The following IL19 variants were observed in gnomAD, a reference collection of about 807,000 sequenced individuals.
IL19 encodes interleukin 19, also known as interleukin-19.
Under a neutral mutation model 19.5 loss-of-function variants are expected in IL19, and 15 were observed. That is an observed-to-expected ratio of 0.77 (90% CI 0.52 to 1.19). The LOEUF (loss-of-function observed/expected upper bound fraction) is 1.19, where lower values mean the gene tolerates loss of function less well. IL19 is among the 50% of genes most tolerant of loss of function. IL19 has a pLI of 0.00. For synonymous variants in IL19, 78 were observed against 78.3 expected (o/e 1.00, Z 0.02); for missense variants, 199 against 213.1 (o/e 0.93, Z 0.41).
chr1:206,790,265 T>C (rs905461432), intron 1 of IL19, among the ~76,000 whole-genome samples: 13 of 152,122 alleles, frequency 8.5e-5, no homozygotes, highest in Non-Finnish European at 1.6e-4. Flanking sequence ...TTGTGGTTCT[T>C]CCAATAATTT....
At chr1:206,836,195 G>A (rs779724647) in intron 2 of IL19, among the ~76,000 whole-genome samples, 1 of 152,202 alleles carries the variant, frequency 6.6e-6, no homozygotes, top group Admixed American at 6.5e-5. Context: ...TATAATAAAA[G>A]GGTGTTACTT....
intron 2 of IL19, among the ~76,000 whole-genome samples, chr1:206,812,142 G>C (rs752243844): frequency 6.6e-6 from 1 of 152,196 alleles, no homozygotes; most frequent in Non-Finnish European, 1.5e-5. Flanking sequence ...CTACATTACA[G>C]GATGTAGATT....
At chr1:206,829,663 G>C (rs564875457) in intron 2 of IL19, among the ~76,000 whole-genome samples, 1 of 152,146 alleles carries the variant, frequency 6.6e-6, no homozygotes, top group African/African-American at 2.4e-5. Flanking sequence ...CCAAGACTGG[G>C]TTTGCATTTT....
At position 206,816,063 on chromosome 1, in the gene IL19, T is replaced by C. The variant is rs1676147711; in HGVS notation, c.-3+17057T>C. 2.0e-5 allele frequency among the ~76,000 whole-genome samples: 3 copies of C among 151,682 alleles called. No homozygotes were observed. The South Asian group carries it at 6.2e-4, about 31-fold the overall frequency. On this transcript the variant is annotated intron_variant, in intron 2 of 6. Coordinates refer to ENST00000659997, the MANE Select transcript of IL19 (RefSeq NM_153758.5). ...CAAAACAAAACAAAACAAAAAAACC[T>C]GCCAGCCTAAAATTCTGTATCCAGT... is the stretch of plus-strand genomic sequence containing the variant.
At chr1:206,816,268 A>T (rs771717045) in intron 2 of IL19, among the ~76,000 whole-genome samples, 3 of 152,224 alleles carry the variant, frequency 2.0e-5, no homozygotes, top group Admixed American at 6.5e-5. Context: ...ACATGCGTAA[A>T]TGTATAAGAT....
chr1:206,801,937 T>C (rs578187369), intron 2 of IL19, among the ~76,000 whole-genome samples: 4 of 152,162 alleles, frequency 2.6e-5, no homozygotes, highest in East Asian at 1.9e-4. Context: ...AGAACTCCAG[T>C]GAGCAGAAAA....
chr1:206,826,621 C>G (rs1213220799), intron 2 of IL19, among the ~76,000 whole-genome samples: 2 of 152,242 alleles, frequency 1.3e-5, no homozygotes, highest in Non-Finnish European at 2.9e-5. Flanking sequence ...GGGTGAAGCC[C>G]TCCCCAGGAA....
At chr1:206,804,115 G>A (rs1675785674) in intron 2 of IL19, among the ~76,000 whole-genome samples, 1 of 152,194 alleles carries the variant, frequency 6.6e-6, no homozygotes, top group Admixed American at 6.5e-5. Context: ...GGGCAGTACA[G>A]GGAAAGATGT....
chr1:206,784,417 T>A (rs972255598), intron 1 of IL19, among the ~76,000 whole-genome samples: 2 of 152,208 alleles, frequency 1.3e-5, no homozygotes, highest in Admixed American at 1.3e-4. Context: ...CCAGGCCCTG[T>A]CAGCCTCTTC....
At chr1:206,775,197 C>G (rs12024653) in intron 1 of IL19, among the ~76,000 whole-genome samples, 2 of 151,980 alleles carry the variant, frequency 1.3e-5, no homozygotes, top group African/African-American at 4.8e-5. Context: ...CCTGGCACCA[C>G]GCCCGGCTAA....
intron 2 of IL19, among the ~76,000 whole-genome samples, chr1:206,814,312 G>A (rs1002158028): frequency 1.3e-5 from 2 of 151,798 alleles, no homozygotes; most frequent in African/African-American, 4.8e-5. Context: ...CCAAACCCAA[G>A]TATGTAGCTT....
intron 2 of IL19, among the ~76,000 whole-genome samples, chr1:206,830,868 C>T (rs879523261): frequency 1.3e-5 from 2 of 152,210 alleles, no homozygotes; most frequent in Non-Finnish European, 2.9e-5. Context: ...TGAGCCACCG[C>T]TCCTGGCCTA....
chr1:206,781,738 TGCCCCCGGTTCCCTAAGTCA>T (rs960058471), intron 1 of IL19, among the ~76,000 whole-genome samples: 2 of 151,384 alleles, frequency 1.3e-5, no homozygotes, highest in Non-Finnish European at 2.9e-5. Context: ...CGTCCAGCCT[TGCCCCCGGTTCCCTAAGTCA>T]GCTGTTGGCG....
In IL19 at chr1:206,839,978, C is replaced by T. The variant is rs766930040; in HGVS notation, c.339C>T (p.Tyr113=). The part of the protein sequence containing the change: ...KISSIANSFL[Y]MQKTLRQCQE... Reference sequence around the variant, plus strand: ...GCAGCATTGCCAACTCTTTCCTCTACATGCAGAAAACTCTGCGGCAATGTG... The same window carrying T: ...GCAGCATTGCCAACTCTTTCCTCTATATGCAGAAAACTCTGCGGCAATGTG... The change falls in exon 5 of 7, where the codon TAC becomes TAT. Residue 113 remains tyrosine (Y), a synonymous_variant. Transcript: ENST00000659997. The T allele has an allele frequency of 1.2e-5, 19 of 1,614,060 alleles. No individual in the cohort carries two copies. Among genetic ancestry groups the T allele is most frequent in the South Asian group, 1.1e-5 (1 of 91,086 alleles).
At chr1:206,813,945 G>A (rs954084188) in intron 2 of IL19, among the ~76,000 whole-genome samples, 5 of 152,180 alleles carry the variant, frequency 3.3e-5, no homozygotes, top group Non-Finnish European at 5.9e-5. Context: ...TAGCTCTTGC[G>A]TGACAGTTTC....
intron 1 of IL19, among the ~76,000 whole-genome samples, chr1:206,794,057 G>A (rs932750036): frequency 3.9e-5 from 6 of 152,194 alleles, no homozygotes; most frequent in African/African-American, 7.2e-5. Context: ...TGGCTCTTCA[G>A]GTGGTGGATG....
chr1:206,794,277 AC>A (rs1675470559), intron 1 of IL19, among the ~76,000 whole-genome samples: 1 of 152,192 alleles, frequency 6.6e-6, no homozygotes, highest in Non-Finnish European at 1.5e-5. Flanking sequence ...AAATGAAATA[AC>A]AGATGGAAAG....
chr1:206,827,571 T>G (rs1676469034), intron 2 of IL19, among the ~76,000 whole-genome samples: 1 of 151,828 alleles, frequency 6.6e-6, no homozygotes, highest in Non-Finnish European at 1.5e-5. Flanking sequence ...GCGCCTGTAG[T>G]CCCAGCTACT....
intron 1 of IL19, among the ~76,000 whole-genome samples, chr1:206,775,978 T>C (rs1006185515): frequency 2.0e-5 from 3 of 152,220 alleles, no homozygotes; most frequent in Non-Finnish European, 2.9e-5. Flanking sequence ...CCCAGATGCA[T>C]AGTAGGCATC....
Sources: allele counts gnomAD v4.1 joint callset (sites outside exome capture counted in the v4.1 genomes callset), GRCh38; gene constraint gnomAD v4.1.1; transcripts MANE v1.5; gene names NCBI Gene and HGNC (gene_info 2026-07-23, HGNC 2026-07-21).